HHLA2: variants seen among roughly 807,000 people sequenced by gnomAD.
HHLA2 encodes the protein HERV-H LTR-associating protein 2.
Under a neutral mutation model 45.9 loss-of-function variants are expected in HHLA2, and 48 were observed. The ratio of observed to expected loss-of-function variants is 1.05; its 90% CI spans 0.83 to 1.33. The LOEUF is 1.33. Among genes scored for constraint, HHLA2 ranks in the 40% most tolerant of loss-of-function variants. The probability of loss-of-function intolerance (pLI) is 0.00; values close to 1 mark genes in which losing one functional copy is unlikely to be tolerated. For synonymous variants in HHLA2, 161 were observed against 173.9 expected (o/e 0.93, Z 0.59); for missense variants, 462 against 494.3 (o/e 0.93, Z 0.62).
In HHLA2 at chr3:108,353,689, A is replaced by G. The variant is rs2081830823; in HGVS notation, c.327A>G (p.Arg109=). Residue 109 remains arginine, a synonymous_variant, in exon 5 of 11, where the codon AGA becomes AGG. Coordinates refer to ENST00000619531, the Ensembl canonical transcript of HHLA2. ...ATGGGAATGCGTCGCTATTTTTCAG[A>G]AGAGTAAGCCTTCTGGACGAAGGAA... The G allele has an allele frequency of 3.1e-6, 5 of 1,613,702 alleles. No homozygotes were observed. In the East Asian group the frequency reaches 1.1e-4, roughly 36 times the overall value.
intron 3 of HHLA2, among the ~76,000 whole-genome samples, chr3:108,334,106 A>G (rs1462209282): frequency 6.6e-6 from 1 of 152,170 alleles, no homozygotes; most frequent in Non-Finnish European, 1.5e-5. Context: ...TTTCTAAATG[A>G]GCAGAGTTAG....
intron 1 of HHLA2, among the ~76,000 whole-genome samples, chr3:108,297,070 C>A (rs1394885813): frequency 6.6e-6 from 1 of 152,160 alleles, no homozygotes; most frequent in Non-Finnish European, 1.5e-5. Context: ...GAATCGTGAT[C>A]TTTGAATTCT....
rs915533505 is a variant in HHLA2 at position 108,355,400 on chromosome 3, T to G, written c.685+19T>G. The G allele has an allele frequency of 1.2e-6, 2 of 1,608,078 alleles. No individual in the cohort carries two copies. The highest frequency in any genetic ancestry group is 1.7e-6 in the Non-Finnish European group (2 of 1,176,364). Reference sequence around the variant, plus strand: ...ATGAAAGGTAGGCTCCACAGGACTTTCTGTGTACACGTGCTGTTTCAAAGT... The same window carrying G: ...ATGAAAGGTAGGCTCCACAGGACTTGCTGTGTACACGTGCTGTTTCAAAGT... On this transcript the variant is annotated intron_variant, in intron 6 of 10. Transcript: ENST00000619531.
chr3:108,307,492 G>A (rs542651704), intron 1 of HHLA2, among the ~76,000 whole-genome samples: 105 of 152,160 alleles, frequency 6.9e-4, no homozygotes, highest in African/African-American at 2.5e-3. Context: ...AAATTAGCCA[G>A]GCCTGGTGGC....
chr3:108,364,967 G>C (rs2082040547), intron 8 of HHLA2, among the ~76,000 whole-genome samples: 1 of 152,166 alleles, frequency 6.6e-6, no homozygotes, highest in Admixed American at 6.5e-5. Flanking sequence ...TCTGATGATA[G>C]TTTCTATGGC....
At chr3:108,321,638 T>C (rs546333825) in intron 2 of HHLA2, among the ~76,000 whole-genome samples, 1 of 152,176 alleles carries the variant, frequency 6.6e-6, no homozygotes. Flanking sequence ...TTTGTGTGAA[T>C]GCTTTCATCC....
chr3:108,359,633 T>C (rs2107476713), intron 7 of HHLA2, among the ~76,000 whole-genome samples: 2 of 152,300 alleles, frequency 1.3e-5, no homozygotes, highest in Non-Finnish European at 2.9e-5. Flanking sequence ...CTTGGGCAAA[T>C]ATCCTTACAG....
At chr3:108,359,117 T>C (rs1457627647) in intron 7 of HHLA2, among the ~76,000 whole-genome samples, 1 of 152,058 alleles carries the variant, frequency 6.6e-6, no homozygotes, top group Non-Finnish European at 1.5e-5. Flanking sequence ...TTATGTAAAA[T>C]ACAGTTAAGC....
chr3:108,373,549 C>G (rs1196290821), intron 8 of HHLA2, among the ~76,000 whole-genome samples: 1 of 152,186 alleles, frequency 6.6e-6, no homozygotes, highest in Non-Finnish European at 1.5e-5. Context: ...TCCCTGTTTG[C>G]AGATGACATG....
chr3:108,351,967 C>A, intron 4 of HHLA2, 90 bp downstream of exon 3: 1 of 822,700 alleles, frequency 1.2e-6, no homozygotes, highest in Non-Finnish European at 2.0e-6. Context: ...TCCTCCATAG[C>A]CACAGCATCG....
chr3:108,377,639 C>A, exon 11 of HHLA2: 1 of 197,072 alleles, frequency 5.1e-6, no homozygotes, highest in Non-Finnish European at 1.0e-5. Context: ...GATTCCCAAT[C>A]TGATCAACTG....
At chr3:108,310,990 A>G (rs1262248379) in intron 2 of HHLA2, among the ~76,000 whole-genome samples, 1 of 152,328 alleles carries the variant, frequency 6.6e-6, no homozygotes, top group East Asian at 1.9e-4. Context: ...TGTTTTAAAG[A>G]AATATAGAAT....
intron 8 of HHLA2, among the ~76,000 whole-genome samples, chr3:108,368,343 A>G (rs1576179461): frequency 6.6e-6 from 1 of 151,942 alleles, no homozygotes; most frequent in East Asian, 1.9e-4. Context: ...GACAGGATCA[A>G]ATTCACACTT....
At chr3:108,377,200 T>C in intron 10 of HHLA2, 58 bp from the exon 10 acceptor site, 1 of 1,169,716 alleles carries the variant, frequency 8.5e-7, no homozygotes, top group Non-Finnish European at 1.3e-6. Context: ...ATTTAAGATA[T>C]AAATGGTTAT....
exon 9 of HHLA2, chr3:108,375,783 C>T (rs1223496224): frequency 6.2e-7 from 1 of 1,610,780 alleles, no homozygotes. Context: ...AGACACCCTG[C>T]TGATGGAGCC....
rs888691470 is a variant in HHLA2 at position 108,370,439 on chromosome 3, C to A, written c.1109-5311C>A. ...GAGCGCCTCTCCTCCTCCAAAGGAA[C>A]GCAGCTCCTCACCAGCAACGGAACA... On this transcript the variant is annotated intron_variant, in intron 8 of 10. Transcript: ENST00000619531. 2.0e-5 allele frequency among the ~76,000 whole-genome samples: 3 copies of A among 152,090 alleles called. No individual in the cohort carries two copies. In the South Asian group the frequency reaches 6.2e-4, roughly 32 times the overall value.
exon 6 of HHLA2, chr3:108,355,226 C>T: frequency 6.2e-7 from 1 of 1,613,878 alleles, no homozygotes; most frequent in Non-Finnish European, 8.5e-7. Flanking sequence ...ATGGACAACA[C>T]ACCTATCTCT....
At chr3:108,314,654 G>A (rs1378618021) in intron 2 of HHLA2, among the ~76,000 whole-genome samples, 1 of 152,116 alleles carries the variant, frequency 6.6e-6, no homozygotes, top group East Asian at 1.9e-4. Flanking sequence ...GGCTGTGAAC[G>A]AATATTTGTG....
chr3:108,304,997 C>G (rs1428248172), intron 1 of HHLA2, among the ~76,000 whole-genome samples: 2 of 152,090 alleles, frequency 1.3e-5, no homozygotes, highest in Admixed American at 1.3e-4. Flanking sequence ...TAATGTTTCC[C>G]CATTGAAGAT....
Sources: allele counts gnomAD v4.1 joint callset (sites outside exome capture counted in the v4.1 genomes callset), GRCh38; gene constraint gnomAD v4.1.1; transcripts MANE v1.5; gene names NCBI Gene and HGNC (gene_info 2026-07-23, HGNC 2026-07-21).